Variants in PLCD4 observed in about 807,000 individuals in gnomAD.
PLCD4 encodes 1-phosphatidylinositol 4,5-bisphosphate phosphodiesterase delta-4.
A neutral mutation model predicts 90.2 loss-of-function variants in PLCD4; 63 were observed. That is an observed-to-expected ratio of 0.70 (90% CI 0.57 to 0.86). PLCD4 has a LOEUF of 0.86. Ranked by LOEUF, PLCD4 falls within the 40% of genes least tolerant of loss-of-function variation. PLCD4 has a pLI of 0.00. For missense variants in PLCD4, 830 were observed against 956.3 expected (o/e 0.87, Z 1.74); for synonymous variants, 294 against 356.5 (o/e 0.82, Z 1.97).
intron 7 of PLCD4, 108 bp from the exon 8 acceptor site, chr2:218,629,411 A>T (rs1425975223): frequency 3.0e-6 from 4 of 1,311,932 alleles, no homozygotes; most frequent in Admixed American, 2.2e-5. Flanking sequence ...AGGGGTCTGG[A>T]TGGGTAAGTG....
intron 6 of PLCD4, among the ~76,000 whole-genome samples, chr2:218,623,410 C>T (rs936116869): frequency 1.3e-5 from 2 of 152,168 alleles, no homozygotes; most frequent in Admixed American, 1.3e-4. Context: ...ATAAGGAGGC[C>T]AGTTATTTAG....
intron 6 of PLCD4, among the ~76,000 whole-genome samples, chr2:218,626,740 A>G (rs1374593225): frequency 6.6e-6 from 1 of 152,112 alleles, no homozygotes; most frequent in Non-Finnish European, 1.5e-5. Context: ...TTGACAAATG[A>G]TCCTCAAAAC....
Position 218,636,323 on chromosome 2 carries a change from G to T in PLCD4, c.2113G>T (p.Asp705Tyr). Residue 705 changes from aspartate to tyrosine, a missense_variant, in exon 15 of 16, where the codon GAT becomes TAT. Asp to Tyr is a radical substitution (Grantham distance 160). Transcript: ENST00000450993. ...TGCCATGCTGCGTTTTGTGGTAATG[G>T]ATTATGACTGGAAATCCCGAAATGA... is the stretch of plus-strand genomic sequence containing the variant. ...ELAMLRFVVM[D>Y]YDWKSRNDFI... 6.2e-7 allele frequency: 1 copy of T among 1,614,006 alleles called. No homozygotes were observed.
intron 1 of PLCD4, among the ~76,000 whole-genome samples, chr2:218,614,962 C>T (rs531399306): frequency 1.3e-5 from 2 of 152,182 alleles, no homozygotes; most frequent in East Asian, 3.9e-4. Context: ...GGTGCAGTGG[C>T]TCACGCCTGT....
chr2:218,636,424 C>G (rs1559280080), intron 15 of PLCD4, 32 bp downstream of exon 15: 2 of 1,613,782 alleles, frequency 1.2e-6, no homozygotes, highest in African/African-American at 2.7e-5. Flanking sequence ...CTGGCCAATA[C>G]CCCAGCTCTG....
At chr2:218,610,436 A>C (rs1205061848) in intron 1 of PLCD4, among the ~76,000 whole-genome samples, 1 of 151,998 alleles carries the variant, frequency 6.6e-6, no homozygotes, top group Admixed American at 6.6e-5. Flanking sequence ...TGAACCCAGG[A>C]GGCGGAGGTT....
chr2:218,611,093 T>G (rs139581819), intron 1 of PLCD4, among the ~76,000 whole-genome samples: 31 of 152,300 alleles, frequency 2.0e-4, no homozygotes, highest in Non-Finnish European at 3.4e-4. Flanking sequence ...TTCTTTTTAC[T>G]TCACCTAACC....
At position 218,636,675 on chromosome 2, in the gene PLCD4, A is replaced by G; in HGVS notation, c.*98A>G. The G allele has an allele frequency of 7.5e-7, 1 of 1,327,786 alleles. No homozygotes were observed. The highest frequency in any genetic ancestry group is 1.5e-5 in the African/African-American group (1 of 68,718). The allele number at this position is 1,327,786 out of a possible 1,614,324, so 82.3% of individuals were successfully genotyped here. A position where few individuals can be genotyped will look rare whatever the true frequency, so the allele number is the denominator to read the frequency against. On this transcript the variant is annotated 3_prime_UTR_variant, in exon 16 of 16. Coordinates refer to ENST00000450993, the MANE Select transcript of PLCD4 (RefSeq NM_032726.4). The stretch of plus-strand genomic sequence containing the variant: ...GAACAAATGGAGGTGGTGAAAATCA[A>G]GCTTTGGATTGTGCATTCCTAGGCA...
chr2:218,616,162 G>C, intron 3 of PLCD4, 100 bp downstream of exon 3: 2 of 1,384,176 alleles, frequency 1.4e-6, no homozygotes, highest in Non-Finnish European at 2.0e-6. Context: ...GTGTGTTTGT[G>C]CTGTCCTAAT....
chr2:218,621,573 C>G lies in PLCD4; in HGVS notation c.514C>G (p.Gln172Glu). 1 of 1,613,880 alleles carries G rather than the reference C, an allele frequency of 6.2e-7. No homozygotes were observed. Among genetic ancestry groups the G allele is most frequent in the Non-Finnish European group, 8.5e-7 (1 of 1,179,850 alleles). The change falls in exon 5 of 16, where the codon CAA (glutamine) becomes GAA (glutamate). Residue 172 changes from glutamine to glutamate, a missense_variant. Gln to Glu is a conservative substitution (Grantham distance 29, BLOSUM62 2). Transcript: ENST00000450993. ...LLHLMNVEMDQEYAFSLFQAA... is the reference protein window; with the variant it reads ...LLHLMNVEMDEEYAFSLFQAA... ...GCACCTAATGAATGTGGAAATGGACCAAGAATATGCCTTCAGTCTTTTTCA... is the reference window on the plus strand; with the variant it reads ...GCACCTAATGAATGTGGAAATGGACGAAGAATATGCCTTCAGTCTTTTTCA...
At chr2:218,630,506 A>G in intron 8 of PLCD4, 144 bp from the exon 9 acceptor site, 1 of 925,178 alleles carries the variant, frequency 1.1e-6, no homozygotes, top group Non-Finnish European at 1.7e-6. Flanking sequence ...ATCTCACTGA[A>G]TCCTATAATG....
intron 4 of PLCD4, among the ~76,000 whole-genome samples, chr2:218,621,067 C>T (rs577261385): frequency 1.2e-3 from 177 of 152,138 alleles, no homozygotes; most frequent in Non-Finnish European, 1.9e-3. Context: ...GTAGCTGGAA[C>T]GACAGGTGTG....
chr2:218,612,441 C>A (rs781266834), intron 1 of PLCD4, among the ~76,000 whole-genome samples: 2 of 152,178 alleles, frequency 1.3e-5, no homozygotes, highest in Non-Finnish European at 2.9e-5. Context: ...TCAACCTTCC[C>A]CTCTCACTCT....
chr2:218,632,217 C>T lies in PLCD4; in HGVS notation c.1354C>T (p.Pro452Ser). The change falls in exon 10 of 16, where the codon CCT (proline) becomes TCT (serine). Residue 452 changes from proline to serine, a missense_variant. Transcript: ENST00000450993. ...GGAATATGAGGAAGAGGAAGCAGAA[C>T]CTGAGTTGGAAGAGTCAGAATTGGC... is the stretch of plus-strand genomic sequence containing the variant. ...DLEYEEEEAE[P>S]ELEESELALE... The T allele has an allele frequency of 6.2e-7, 1 of 1,611,406 alleles. No individual in the cohort carries two copies. The highest frequency in any genetic ancestry group is 8.5e-7 in the Non-Finnish European group (1 of 1,178,854).
chr2:218,615,506 C>G (rs554209848), intron 1 of PLCD4, among the ~76,000 whole-genome samples: 1 of 152,286 alleles, frequency 6.6e-6, no homozygotes, highest in Admixed American at 6.5e-5. Context: ...TTACCCTTCT[C>G]TGAAGATAGC....
intron 7 of PLCD4, 104 bp from the exon 8 acceptor site, chr2:218,629,415 G>A: frequency 1.5e-6 from 2 of 1,338,764 alleles, no homozygotes; most frequent in Non-Finnish European, 2.0e-6. Flanking sequence ...GTCTGGATGG[G>A]TAAGTGCTGG....
intron 1 of PLCD4, among the ~76,000 whole-genome samples, chr2:218,612,594 A>T (rs568453758): frequency 1.3e-5 from 2 of 152,268 alleles, no homozygotes; most frequent in African/African-American, 4.8e-5. Flanking sequence ...CAACACGGCA[A>T]AACTCCGTCT....
chr2:218,633,971 G>A, intron 11 of PLCD4, 134 bp from the exon 12 acceptor site: 1 of 1,305,918 alleles, frequency 7.7e-7, no homozygotes, highest in Non-Finnish European at 1.1e-6. Flanking sequence ...GGACAGAGTA[G>A]AGAGGCACAG....
At position 218,633,618 on chromosome 2, in the gene PLCD4, T is replaced by C. The variant is rs1160575183; in HGVS notation, c.1463T>C (p.Ile488Thr). 1 of 1,613,446 alleles carries C rather than the reference T, an allele frequency of 6.2e-7. No individual in the cohort carries two copies. Among genetic ancestry groups the C allele is most frequent in the Non-Finnish European group, 8.5e-7 (1 of 1,179,524 alleles). Reference sequence around the variant, plus strand: ...CACCTTCTCCAGAAATCCAAGCCCATCTTGTGTCCAGCCCTCTCTTCCCTG... The same window carrying C: ...CACCTTCTCCAGAAATCCAAGCCCACCTTGTGTCCAGCCCTCTCTTCCCTG... Reference protein sequence around the residue: ...NKDKKKKSKPILCPALSSLVI... With the variant: ...NKDKKKKSKPTLCPALSSLVI... The change falls in exon 11 of 16, where the codon ATC (isoleucine) becomes ACC (threonine). Residue 488 changes from isoleucine (I) to threonine (T), a missense_variant. Transcript: ENST00000450993.
Sources: allele counts gnomAD v4.1 joint callset (sites outside exome capture counted in the v4.1 genomes callset), GRCh38; gene constraint gnomAD v4.1.1; transcripts MANE v1.5; gene names NCBI Gene and HGNC (gene_info 2026-07-23, HGNC 2026-07-21).